The following MPRIP variants were observed in gnomAD, a reference collection of about 807,000 sequenced individuals.
MPRIP encodes the protein myosin phosphatase Rho-interacting protein.
A neutral mutation model predicts 234.9 loss-of-function variants in MPRIP; 59 were observed. The observed-to-expected ratio is 0.25, with a 90% CI of 0.20 to 0.31. MPRIP has a LOEUF of 0.31. MPRIP is among the 10% of genes least tolerant of loss of function. The pLI is 1.00. For synonymous variants in MPRIP, 1,144 were observed against 1,263.9 expected, an observed-to-expected ratio of 0.91 and a Z score of 2.01; for missense variants, 2,436 against 3,071.0, an observed-to-expected ratio of 0.79 and a Z score of 4.89.
intron 3 of MPRIP, among the ~76,000 whole-genome samples, chr17:17,114,988 A>G (rs1321779313): frequency 1.3e-5 from 2 of 152,264 alleles, no homozygotes; most frequent in Non-Finnish European, 2.9e-5. Flanking sequence ...AAAGCCCTGA[A>G]CGGGTCATTT....
chr17:17,164,966 CGAG>C lies in MPRIP; in HGVS notation c.3378_3380del (p.Glu1126del). 1 of 1,303,246 alleles carries C rather than the reference CGAG, an allele frequency of 7.7e-7. No homozygotes were observed. Among genetic ancestry groups the C allele is most frequent in the Non-Finnish European group, 1.0e-6 (1 of 988,868 alleles). The allele number at this position is 1,303,246 out of a possible 1,614,324, so 80.7% of individuals were successfully genotyped here. A position where few individuals can be genotyped will look rare whatever the true frequency, so the allele number is the denominator to read the frequency against. ...TGACAGAGCGCGTGGCCACGTCCGA[CGAG>C]GATGTGGCTGAGCTCCGGGAAAAGC... On this transcript the variant is annotated inframe_deletion, in exon 16 of 24. Transcript: ENST00000651222.
At chr17:17,111,172 A>C (rs985342314) in intron 3 of MPRIP, among the ~76,000 whole-genome samples, 1 of 151,038 alleles carries the variant, frequency 6.6e-6, no homozygotes, top group African/African-American at 2.4e-5. Context: ...AAAAAAAGAA[A>C]AAACCTCTAG....
chr17:17,103,474 T>C (rs757173426), intron 3 of MPRIP, among the ~76,000 whole-genome samples: 5 of 152,218 alleles, frequency 3.3e-5, no homozygotes, highest in Non-Finnish European at 7.3e-5. Flanking sequence ...CACCTTGTGC[T>C]TTGATCCTTC....
At chr17:17,156,984 C>T (rs1041428398) in intron 13 of MPRIP, among the ~76,000 whole-genome samples, 1 of 152,190 alleles carries the variant, frequency 6.6e-6, no homozygotes, top group Non-Finnish European at 1.5e-5. Flanking sequence ...CTAATTGAAA[C>T]ACATGTGCTC....
At chr17:17,114,557 A>G (rs973516087) in intron 3 of MPRIP, among the ~76,000 whole-genome samples, 3 of 152,012 alleles carry the variant, frequency 2.0e-5, no homozygotes, top group Non-Finnish European at 2.9e-5. Context: ...GCATTGAGGT[A>G]TCTGCTCCAT....
chr17:17,086,753 T>C (rs960782063), intron 3 of MPRIP, among the ~76,000 whole-genome samples: 1 of 152,186 alleles, frequency 6.6e-6, no homozygotes, highest in Admixed American at 6.5e-5. Flanking sequence ...TGACACCCAC[T>C]TTTTTTCCCT....
At position 17,188,044 on chromosome 17, in the gene MPRIP, C is replaced by T. The variant is rs2046510541; in HGVS notation, c.*3150C>T. 6.6e-6 allele frequency: 1 copy of T among 152,250 alleles called. No individual in the cohort carries two copies. The highest frequency in any genetic ancestry group is 2.1e-4 in the South Asian group (1 of 4,834). The allele number at this position is 152,250 out of a possible 1,614,324, so 9.4% of individuals were successfully genotyped here. A position where few individuals can be genotyped will look rare whatever the true frequency, so the allele number is the denominator to read the frequency against. Reference sequence around the variant, plus strand: ...TTTCTGCAGGCTTGTGGGTAATTACCTTGTGTGCACGCCTGCACGTGCAGA... The same window carrying T: ...TTTCTGCAGGCTTGTGGGTAATTACTTTGTGTGCACGCCTGCACGTGCAGA... On this transcript the variant is annotated 3_prime_UTR_variant, in exon 24 of 24. Transcript: ENST00000651222.
chr17:17,180,224 C>G, intron 23 of MPRIP, 136 bp downstream of exon 23: 1 of 744,670 alleles, frequency 1.3e-6, no homozygotes. Context: ...AGCCCGAGCT[C>G]ACCCTGCTGG....
At chr17:17,173,749 C>T in intron 18 of MPRIP, 167 bp from the exon 19 acceptor site, 1 of 778,878 alleles carries the variant, frequency 1.3e-6, no homozygotes, top group Non-Finnish European at 2.2e-6. Flanking sequence ...GGGCGTGAGG[C>T]CATCTCTGTA....
At chr17:17,134,372 A>C (rs1406924254) in intron 5 of MPRIP, among the ~76,000 whole-genome samples, 1 of 152,142 alleles carries the variant, frequency 6.6e-6, no homozygotes, top group East Asian at 1.9e-4. Context: ...CTGGTTTCCC[A>C]TGGGTAAGCA....
intron 3 of MPRIP, among the ~76,000 whole-genome samples, chr17:17,109,399 C>T (rs1177178518): frequency 6.6e-6 from 1 of 152,196 alleles, no homozygotes; most frequent in Non-Finnish European, 1.5e-5. Flanking sequence ...ACCACAATGC[C>T]TGTGTACTGG....
At chr17:17,125,948 G>A (rs946008644) in intron 3 of MPRIP, among the ~76,000 whole-genome samples, 1 of 152,180 alleles carries the variant, frequency 6.6e-6, no homozygotes, top group Non-Finnish European at 1.5e-5. Flanking sequence ...CTCTCCCAAA[G>A]CATCCTTACG....
intron 13 of MPRIP, among the ~76,000 whole-genome samples, chr17:17,154,907 T>G (rs1371542771): frequency 6.6e-6 from 1 of 152,264 alleles, no homozygotes; most frequent in African/African-American, 2.4e-5. Flanking sequence ...ATTCTGTGGT[T>G]CATGTGTCTC....
intron 1 of MPRIP, chr17:17,057,912 A>G: frequency 1.8e-6 from 1 of 550,164 alleles, no homozygotes; most frequent in Non-Finnish European, 3.2e-6. Context: ...GCATACATTT[A>G]CAATATAAAT....
chr17:17,096,169 A>G (rs959144258), intron 3 of MPRIP, among the ~76,000 whole-genome samples: 3 of 151,846 alleles, frequency 2.0e-5, no homozygotes, highest in African/African-American at 7.3e-5. Flanking sequence ...CCTGCCTTGT[A>G]CCCACCTGTT....
chr17:17,044,667 T>C (rs945951280), intron 1 of MPRIP, among the ~76,000 whole-genome samples: 7 of 152,184 alleles, frequency 4.6e-5, no homozygotes, highest in Admixed American at 2.6e-4. Context: ...TTACACCTCA[T>C]AGGGGCTGTT....
At chr17:17,083,875 C>T (rs2089523854) in intron 3 of MPRIP, among the ~76,000 whole-genome samples, 1 of 152,200 alleles carries the variant, frequency 6.6e-6, no homozygotes, top group Non-Finnish European at 1.5e-5. Flanking sequence ...TCCCGAGTAG[C>T]TGGAACTACA....
chr17:17,107,779 G>T (rs963583810), intron 3 of MPRIP, among the ~76,000 whole-genome samples: 1 of 152,216 alleles, frequency 6.6e-6, no homozygotes, highest in African/African-American at 2.4e-5. Context: ...AGCTGGTTTG[G>T]AATCTTAAGT....
chr17:17,120,005 T>C (rs930213064), intron 3 of MPRIP, among the ~76,000 whole-genome samples: 11 of 152,162 alleles, frequency 7.2e-5, no homozygotes, highest in Admixed American at 7.2e-4. Flanking sequence ...CACCTTGAAA[T>C]CCCCTTTCTG....
Sources: gnomAD v4.1 joint callset for allele counts (sites outside exome capture counted in the v4.1 genomes callset) on GRCh38, gnomAD v4.1.1 for gene constraint, MANE v1.5 for transcripts, NCBI Gene and HGNC (gene_info 2026-07-23, HGNC 2026-07-21) for gene names.